CSMD1: variants seen among roughly 807,000 people sequenced by gnomAD.
CSMD1 encodes CUB and sushi domain-containing protein 1.
A neutral mutation model predicts 417.5 loss-of-function variants in CSMD1; 213 were observed. The ratio of observed to expected loss-of-function variants is 0.51; its 90% CI spans 0.46 to 0.57. CSMD1 has a LOEUF of 0.57. Among genes scored for constraint, CSMD1 ranks in the 20% least tolerant of loss-of-function variants. CSMD1 has a pLI of 0.00. For missense variants in CSMD1, 6,923 were observed against 4,529.7 expected, an observed-to-expected ratio of 1.53 and a Z score of -15.17; for synonymous variants, 2,862 against 1,736.8, an observed-to-expected ratio of 1.65 and a Z score of -16.11.
intron 3 of CSMD1, among the ~76,000 whole-genome samples, chr8:4,123,250 A>T (rs1802586466): frequency 6.6e-6 from 1 of 152,222 alleles, no homozygotes; most frequent in Non-Finnish European, 1.5e-5. Flanking sequence ...CATGTAGTAA[A>T]TGATACAGGC....
intron 23 of CSMD1, among the ~76,000 whole-genome samples, chr8:3,335,541 G>GT (rs1384087046): frequency 6.6e-6 from 1 of 152,130 alleles, no homozygotes; most frequent in Non-Finnish European, 1.5e-5. Flanking sequence ...GCCGGGTGTG[G>GT]TGTTGGGTAC....
chr8:4,912,780 A>C (rs77473577), intron 1 of CSMD1, among the ~76,000 whole-genome samples: 2,533 of 137,728 alleles, frequency 0.018, 81 homozygotes, highest in African/African-American at 0.067. Flanking sequence ...GACATACAGC[A>C]CCAGCTATTT....
chr8:3,608,764 A>AAAAC, intron 8 of CSMD1, among the ~76,000 whole-genome samples: 1 of 5,266 alleles, frequency 1.9e-4, no homozygotes, highest in Non-Finnish European at 7.2e-4. Flanking sequence ...ACTCTGTCTC[A>AAAAC]AAAAAAAAAA....
intron 3 of CSMD1, among the ~76,000 whole-genome samples, chr8:4,157,373 A>T (rs539410517): frequency 4.5e-4 from 69 of 152,270 alleles, no homozygotes; most frequent in East Asian, 3.9e-4. Flanking sequence ...GAAAATGTTT[A>T]TTCACGCCAG....
chr8:4,754,036 T>C (rs746007295), intron 1 of CSMD1, among the ~76,000 whole-genome samples: 7 of 152,144 alleles, frequency 4.6e-5, no homozygotes, highest in East Asian at 1.9e-4. Context: ...GTTGTTAACA[T>C]TGACATAACA....
rs370216684 is a variant in CSMD1 at position 3,315,460 on chromosome 8, G to GTGTGTGTGTGTGTGTGTT, written c.3632-6958_3632-6957insAACACACACACACACACA. Among the ~76,000 whole-genome samples, 893 of 151,572 alleles carry GTGTGTGTGTGTGTGTGTT rather than the reference G, an allele frequency of 5.9e-3. 5 individuals carry two copies. The highest frequency in any genetic ancestry group is 0.026 in the East Asian group (134 of 5,170). On this transcript the variant is annotated intron_variant, in intron 23 of 69. Coordinates refer to ENST00000635120, the MANE Select transcript of CSMD1 (RefSeq NM_033225.6). ...TGAGTGTGTGTGTGTGTGTGTGTGT[G>GTGTGTGTGTGTGTGTGTT]TGATTTTTAAACTATCTTTTAAATT...
intron 23 of CSMD1, among the ~76,000 whole-genome samples, chr8:3,339,517 G>A (rs1563288101): frequency 6.6e-6 from 1 of 152,108 alleles, no homozygotes; most frequent in African/African-American, 2.4e-5. Context: ...GAGGGCCAAT[G>A]GGACTTTAAC....
At chr8:4,717,567 C>CT (rs1563208959) in intron 1 of CSMD1, among the ~76,000 whole-genome samples, 3 of 80,496 alleles carry the variant, frequency 3.7e-5, no homozygotes, top group African/African-American at 1.4e-4. Flanking sequence ...TCTATCTATC[C>CT]ATCCATCCAT....
chr8:4,275,894 C>G (rs757442956), intron 3 of CSMD1, among the ~76,000 whole-genome samples: 1 of 152,112 alleles, frequency 6.6e-6, no homozygotes, highest in Non-Finnish European at 1.5e-5. Context: ...AATAAATTAA[C>G]TTGCACAAAA....
intron 6 of CSMD1, among the ~76,000 whole-genome samples, chr8:3,747,677 T>C (rs769467181): frequency 7.9e-5 from 12 of 152,196 alleles, no homozygotes; most frequent in African/African-American, 2.7e-4. Flanking sequence ...CTGTTGTGCC[T>C]AGCTGCTCAT....
intron 1 of CSMD1, among the ~76,000 whole-genome samples, chr8:4,676,175 C>G (rs1476198104): frequency 6.6e-6 from 1 of 152,184 alleles, no homozygotes; most frequent in Non-Finnish European, 1.5e-5. Flanking sequence ...TTATCAAGGT[C>G]ATAGACCCTG....
chr8:3,877,838 A>C (rs1805933035), intron 5 of CSMD1, among the ~76,000 whole-genome samples: 1 of 152,214 alleles, frequency 6.6e-6, no homozygotes, highest in East Asian at 1.9e-4. Flanking sequence ...AACTGACTTA[A>C]ATTTTGTCTA....
intron 3 of CSMD1, among the ~76,000 whole-genome samples, chr8:4,083,094 T>C (rs914040829): frequency 5.3e-5 from 8 of 152,106 alleles, no homozygotes; most frequent in African/African-American, 1.2e-4. Context: ...TGTTTCTTTA[T>C]AGCAGCATGA....
At chr8:4,417,449 C>G (rs141095163) in intron 3 of CSMD1, among the ~76,000 whole-genome samples, 9 of 152,080 alleles carry the variant, frequency 5.9e-5, no homozygotes, top group African/African-American at 1.9e-4. Flanking sequence ...TCCTTTCAAG[C>G]CAATACATTT....
In CSMD1 at chr8:4,799,776, G is replaced by T. The variant is rs577952367; in HGVS notation, c.86-162218C>A. On this transcript the variant is annotated intron_variant, in intron 1 of 69. Coordinates refer to ENST00000635120, the MANE Select transcript of CSMD1 (RefSeq NM_033225.6). ...TTTGACCTGGAAATTTTACGTATAG[G>T]AATGTCTCTTTAAAAAAAAAAGTGA... Among the ~76,000 whole-genome samples the T allele has an allele frequency of 3.3e-5, 5 of 151,856 alleles. No homozygotes were observed. The East Asian group carries it at 7.7e-4, about 24-fold the overall frequency.
At chr8:3,657,604 C>G (rs1285714358) in intron 7 of CSMD1, among the ~76,000 whole-genome samples, 3 of 152,042 alleles carry the variant, frequency 2.0e-5, no homozygotes, top group African/African-American at 4.8e-5. Flanking sequence ...AACAAAAAAC[C>G]AAACACTGCA....
intron 3 of CSMD1, among the ~76,000 whole-genome samples, chr8:4,186,291 T>A (rs1798671962): frequency 6.6e-6 from 1 of 152,076 alleles, no homozygotes; most frequent in African/African-American, 2.4e-5. Flanking sequence ...AGGAGGCCCG[T>A]GTTCAAGGTT....
intron 7 of CSMD1, among the ~76,000 whole-genome samples, chr8:3,667,231 C>T (rs541105234): frequency 2.8e-4 from 42 of 151,934 alleles, no homozygotes; most frequent in Non-Finnish European, 4.9e-4. Context: ...TAATCATAGT[C>T]CCTACATTAT....
At position 4,381,485 on chromosome 8, in the gene CSMD1, T is replaced by C. The variant is rs1803101604; in HGVS notation, c.415+38468A>G. Among the ~76,000 whole-genome samples the C allele has an allele frequency of 3.3e-5, 5 of 152,180 alleles. No individual in the cohort carries two copies. In the South Asian group the frequency reaches 1.0e-3, roughly 31 times the overall value. Reference sequence around the variant, plus strand: ...GTGCTAAAGATCATTGTCTTCCAACTGGCAGGCCTATAATTTGGACAAAAC... The same window carrying C: ...GTGCTAAAGATCATTGTCTTCCAACCGGCAGGCCTATAATTTGGACAAAAC... On this transcript the variant is annotated intron_variant, in intron 3 of 69. Transcript: ENST00000635120.
Sources: allele counts gnomAD v4.1 joint callset (sites outside exome capture counted in the v4.1 genomes callset), GRCh38; gene constraint gnomAD v4.1.1; transcripts MANE v1.5; gene names NCBI Gene and HGNC (gene_info 2026-07-23, HGNC 2026-07-21).